Variants in HAPLN1 observed in about 807,000 individuals in gnomAD.
The protein encoded by HAPLN1 is hyaluronan and proteoglycan link protein 1.
HAPLN1 carries 13 observed loss-of-function variants against 36.5 expected under a neutral mutation model. That is an observed-to-expected ratio of 0.36 (90% CI 0.23 to 0.57). HAPLN1 has a LOEUF of 0.57. Ranked by LOEUF, HAPLN1 falls within the 20% of genes least tolerant of loss-of-function variation. The pLI is 0.83. For synonymous variants in HAPLN1, 202 were observed against 169.8 expected, an observed-to-expected ratio of 1.19 and a Z score of -1.48; for missense variants, 407 against 439.7, an observed-to-expected ratio of 0.93 and a Z score of 0.66.
intron 1 of HAPLN1, among the ~76,000 whole-genome samples, chr5:83,709,973 G>A (rs767682610): frequency 6.6e-6 from 1 of 152,124 alleles, no homozygotes; most frequent in East Asian, 1.9e-4. Flanking sequence ...TTTTGAAAAC[G>A]GAGTGGAGAG....
chr5:83,667,039 T>C (rs1265140779), intron 2 of HAPLN1, among the ~76,000 whole-genome samples: 1 of 152,208 alleles, frequency 6.6e-6, no homozygotes, highest in Admixed American at 6.5e-5. Flanking sequence ...AATGACTGTC[T>C]CTCTCACTAG....
chr5:83,667,242 T>C (rs960825642), intron 2 of HAPLN1, among the ~76,000 whole-genome samples: 13 of 152,184 alleles, frequency 8.5e-5, no homozygotes, highest in Non-Finnish European at 1.9e-4. Flanking sequence ...TTTGAGCTCA[T>C]TTATTATATT....
At chr5:83,694,630 A>G (rs1028552511) in intron 1 of HAPLN1, among the ~76,000 whole-genome samples, 1 of 152,102 alleles carries the variant, frequency 6.6e-6, no homozygotes, top group African/African-American at 2.4e-5. Flanking sequence ...TAATAAATTC[A>G]GTGAGTTAAA....
intron 2 of HAPLN1, among the ~76,000 whole-genome samples, chr5:83,654,883 T>A (rs758212066): frequency 2.0e-5 from 3 of 152,178 alleles, no homozygotes; most frequent in Non-Finnish European, 4.4e-5. Context: ...AATTTCCTTA[T>A]ATGTGAATTA....
chr5:83,649,695 C>T (rs1749996914), intron 3 of HAPLN1, among the ~76,000 whole-genome samples: 1 of 152,150 alleles, frequency 6.6e-6, no homozygotes, highest in African/African-American at 2.4e-5. Context: ...GTGATCAACC[C>T]GCCTTGGCTT....
intron 1 of HAPLN1, among the ~76,000 whole-genome samples, chr5:83,719,165 C>T (rs1751972721): frequency 6.6e-6 from 1 of 152,228 alleles, no homozygotes; most frequent in Non-Finnish European, 1.5e-5. Context: ...CAGTGTCAGT[C>T]ATTCCTCTGA....
intron 2 of HAPLN1, among the ~76,000 whole-genome samples, chr5:83,659,458 G>C (rs1250293129): frequency 1.3e-5 from 2 of 152,072 alleles, no homozygotes; most frequent in Non-Finnish European, 2.9e-5. Context: ...TAACAGCCTT[G>C]GTAGACTATG....
intron 2 of HAPLN1, among the ~76,000 whole-genome samples, chr5:83,659,690 T>C (rs1750328082): frequency 6.6e-6 from 1 of 152,176 alleles, no homozygotes; most frequent in African/African-American, 2.4e-5. Context: ...AATTATACTA[T>C]ATTATTATAA....
intron 2 of HAPLN1, among the ~76,000 whole-genome samples, chr5:83,655,128 C>T (rs1351195238): frequency 1.3e-5 from 2 of 152,078 alleles, no homozygotes; most frequent in African/African-American, 4.8e-5. Context: ...AAAGTAAATA[C>T]ATAAAATGCC....
intron 2 of HAPLN1, among the ~76,000 whole-genome samples, chr5:83,660,819 G>A (rs1750364650): frequency 6.6e-6 from 1 of 152,108 alleles, no homozygotes; most frequent in Non-Finnish European, 1.5e-5. Context: ...TTCCTCATCA[G>A]TAAATGGAAG....
At chr5:83,716,672 G>C (rs549600941) in intron 1 of HAPLN1, among the ~76,000 whole-genome samples, 24 of 152,292 alleles carry the variant, frequency 1.6e-4, no homozygotes, top group East Asian at 1.2e-3. Context: ...CTCTTGTAAA[G>C]TTTGTTCTTG....
At chr5:83,666,358 G>A (rs73133834) in intron 2 of HAPLN1, among the ~76,000 whole-genome samples, 6,587 of 152,160 alleles carry the variant, frequency 0.043, 522 homozygotes, top group African/African-American at 0.15. Flanking sequence ...AAAGAAAGGC[G>A]TCACTATTTA....
intron 2 of HAPLN1, among the ~76,000 whole-genome samples, chr5:83,666,356 G>A (rs1246068726): frequency 3.3e-5 from 5 of 152,090 alleles, no homozygotes; most frequent in Admixed American, 1.3e-4. Context: ...AAAAAGAAAG[G>A]CGTCACTATT....
intron 2 of HAPLN1, among the ~76,000 whole-genome samples, chr5:83,670,944 C>T (rs2925685): frequency 0.35 from 52,606 of 151,590 alleles, 9,232 homozygotes; most frequent in East Asian, 0.53. Flanking sequence ...CCACCCGCCT[C>T]GGCCTCCCAA....
chr5:83,646,632 C>T (rs1355661181), intron 3 of HAPLN1, among the ~76,000 whole-genome samples: 1 of 152,186 alleles, frequency 6.6e-6, no homozygotes, highest in Non-Finnish European at 1.5e-5. Flanking sequence ...GCTGAAGGAT[C>T]TATAAGCTGA....
At chr5:83,657,632 C>T (rs1750257957) in intron 2 of HAPLN1, among the ~76,000 whole-genome samples, 1 of 151,900 alleles carries the variant, frequency 6.6e-6, no homozygotes, top group African/African-American at 2.4e-5. Context: ...AAAGTGAAGC[C>T]CTTGGGAACC....
intron 1 of HAPLN1, among the ~76,000 whole-genome samples, chr5:83,681,124 A>AAT (rs113034021): frequency 3.3e-5 from 5 of 152,308 alleles, no homozygotes; most frequent in African/African-American, 1.2e-4. Flanking sequence ...AATAATATAA[A>AAT]ATTAGACCTT....
intron 1 of HAPLN1, among the ~76,000 whole-genome samples, chr5:83,679,944 T>C (rs1177206678): frequency 6.6e-6 from 1 of 152,234 alleles, no homozygotes; most frequent in Non-Finnish European, 1.5e-5. Flanking sequence ...CTTCTACTTA[T>C]GTTGCATTTT....
At chr5:83,659,134 C>A (rs1750308732) in intron 2 of HAPLN1, among the ~76,000 whole-genome samples, 2 of 152,064 alleles carry the variant, frequency 1.3e-5, no homozygotes, top group Admixed American at 1.3e-4. Flanking sequence ...ATTAGCCAGG[C>A]ATGGTGGTGC....
Sources: allele counts gnomAD v4.1 joint callset (sites outside exome capture counted in the v4.1 genomes callset), GRCh38; gene constraint gnomAD v4.1.1; transcripts MANE v1.5; gene names NCBI Gene and HGNC (gene_info 2026-07-23, HGNC 2026-07-21).